KIAA2012: variants seen among roughly 807,000 people sequenced by gnomAD.
KIAA2012 encodes the protein uncharacterized protein KIAA2012.
A neutral mutation model predicts 150.6 loss-of-function variants in KIAA2012; 125 were observed. The observed-to-expected ratio is 0.83, with a 90% CI of 0.72 to 0.96. The LOEUF is 0.96. Ranked by LOEUF, KIAA2012 falls within the 40% of genes least tolerant of loss-of-function variation. KIAA2012 has a pLI of 0.00. For synonymous variants in KIAA2012, 462 were observed against 504.7 expected, an observed-to-expected ratio of 0.92 and a Z score of 1.13; for missense variants, 1,219 against 1,354.9, an observed-to-expected ratio of 0.90 and a Z score of 1.57.
At chr2:202,139,594 C>T (rs1691156772) in intron 13 of KIAA2012, among the ~76,000 whole-genome samples, 1 of 152,186 alleles carries the variant, frequency 6.6e-6, no homozygotes, top group Admixed American at 6.5e-5. Flanking sequence ...CATCTGCGTG[C>T]CTGAGCTGGG....
intron 12 of KIAA2012, among the ~76,000 whole-genome samples, chr2:202,130,001 A>G (rs1040375791): frequency 1.9e-4 from 29 of 152,124 alleles, no homozygotes; most frequent in Admixed American, 1.8e-3. Flanking sequence ...AACATCTGCA[A>G]TAGCTCTTGT....
At chr2:202,145,830 G>A (rs532105597) in intron 13 of KIAA2012, among the ~76,000 whole-genome samples, 38 of 151,640 alleles carry the variant, frequency 2.5e-4, no homozygotes, top group African/African-American at 7.7e-4. Flanking sequence ...GATTACAGGC[G>A]CCCGTCACCA....
intron 15 of KIAA2012, among the ~76,000 whole-genome samples, chr2:202,173,235 C>T: frequency 6.6e-6 from 1 of 152,116 alleles, no homozygotes; most frequent in Admixed American, 6.5e-5. Flanking sequence ...TTTGTCAAAA[C>T]CCAAAAGCAG....
In KIAA2012 at chr2:202,138,606, C is replaced by G. The variant is rs559133206; in HGVS notation, c.1908+98C>G. On this transcript the variant is annotated intron_variant, in intron 13 of 23. Transcript: ENST00000498697. ...TGCCCCTCAGTGAGACTCTTTACCT[C>G]TCTGGGCCTCATTTGCCTAATCAGT... 4.3e-5 allele frequency: 34 copies of G among 781,730 alleles called. No individual in the cohort carries two copies. The African/African-American group carries it at 5.3e-4, about 12-fold the overall frequency. 48.4% of individuals were successfully genotyped at this position (781,730 alleles called of 1,614,324 possible).
intron 15 of KIAA2012, among the ~76,000 whole-genome samples, chr2:202,173,030 C>T (rs1278166591): frequency 2.6e-5 from 4 of 152,192 alleles, no homozygotes; most frequent in African/African-American, 9.7e-5. Context: ...TCAAAGTTCT[C>T]CTTCATATTG....
intron 12 of KIAA2012, among the ~76,000 whole-genome samples, chr2:202,130,222 T>C (rs1252756697): frequency 6.6e-6 from 1 of 152,148 alleles, no homozygotes; most frequent in African/African-American, 2.4e-5. Context: ...TCATTAAGAG[T>C]CCAAAGAACT....
chr2:202,103,491 A>C (rs558470563), intron 8 of KIAA2012, among the ~76,000 whole-genome samples: 8 of 152,218 alleles, frequency 5.3e-5, no homozygotes, highest in African/African-American at 1.9e-4. Flanking sequence ...AAAAAAAAAA[A>C]CCTGGGTAAA....
intron 13 of KIAA2012, 95 bp downstream of exon 13, chr2:202,138,603 C>T: frequency 1.3e-6 from 1 of 777,418 alleles, no homozygotes; most frequent in East Asian, 2.7e-5. Flanking sequence ...AGACTCTTTA[C>T]CTCTCTGGGC....
intron 12 of KIAA2012, 58 bp downstream of exon 12, chr2:202,125,340 A>G: frequency 7.8e-7 from 1 of 1,282,484 alleles, no homozygotes; most frequent in Non-Finnish European, 1.1e-6. Context: ...ACTCATGATC[A>G]TATTATTTCA....
rs71025287 is a variant in KIAA2012 at position 202,199,920 on chromosome 2, ATTTTTTTTTTTTTTT to A, written c.3408-2494_3408-2480del. ...TGCATCTTCCTCCTTGCCCCTCATA[ATTTTTTTTTTTTTTT>A]TTTTTTTTTTTTTTGAGACGGAGTC... On this transcript the variant is annotated intron_variant, in intron 22 of 23. Transcript: ENST00000498697. 3.7e-4 allele frequency among the ~76,000 whole-genome samples: 28 copies of A among 76,292 alleles called. 1 individual carries two copies. The highest frequency in any genetic ancestry group is 6.0e-4 in the Non-Finnish European group (26 of 43,276). The allele number at this position is 76,292 out of a possible 152,430, so 50.1% of individuals were successfully genotyped here. A position where few individuals can be genotyped will look rare whatever the true frequency, so the allele number is the denominator to read the frequency against.
intron 14 of KIAA2012, among the ~76,000 whole-genome samples, chr2:202,155,489 CCCT>C (rs1400159850): frequency 6.6e-6 from 1 of 152,116 alleles, no homozygotes; most frequent in Non-Finnish European, 1.5e-5. Context: ...CCATTCTTTG[CCCT>C]CCTCAGAGCT....
intron 11 of KIAA2012, among the ~76,000 whole-genome samples, chr2:202,122,498 C>CTTT (rs368758133): frequency 8.4e-6 from 1 of 119,202 alleles, no homozygotes; most frequent in Non-Finnish European, 1.7e-5. Context: ...CAAATCCGCT[C>CTTT]TTTTTTTTTT....
At chr2:202,172,476 T>C (rs1037488911) in intron 15 of KIAA2012, among the ~76,000 whole-genome samples, 3 of 152,220 alleles carry the variant, frequency 2.0e-5, no homozygotes, top group Non-Finnish European at 4.4e-5. Context: ...AGAAGTTCTT[T>C]TATATTATGG....
Position 202,110,459 on chromosome 2 carries a change from G to A in KIAA2012, c.1651+670G>A, listed in dbSNP as rs562148707. Among the ~76,000 whole-genome samples the A allele has an allele frequency of 8.5e-5, 13 of 152,340 alleles. No homozygotes were observed. The South Asian group carries it at 2.1e-3, about 24-fold the overall frequency. On this transcript the variant is annotated intron_variant, in intron 10 of 23. Transcript: ENST00000498697. ...TTACCCCTGAAAAATCCCTGGGAAG[G>A]TGCCACGCTGGAGACTGACAGACCA...
chr2:202,133,130 A>ATATT lies in KIAA2012; in HGVS notation c.1832-5301_1832-5300insATTT, dbSNP rs1279080237. Among the ~76,000 whole-genome samples the ATATT allele has an allele frequency of 1.5e-3, 104 of 67,782 alleles. 1 individual carries two copies. The East Asian group carries it at 0.018, about 12-fold the overall frequency. 44.5% of individuals were successfully genotyped at this position (67,782 alleles called of 152,430 possible). Reference sequence around the variant, plus strand: ...AAAAAATATATATATATATATATATATTTTTTTTTTTTCTGGAGAATGGAG... The same window carrying ATATT: ...AAAAAATATATATATATATATATATATATTTTTTTTTTTTTTCTGGAGAATGGAG... On this transcript the variant is annotated intron_variant, in intron 12 of 23. Transcript: ENST00000498697.
In KIAA2012 at chr2:202,154,798, G is replaced by A. The variant is rs1396467324; in HGVS notation, c.2034G>A (p.Thr678=). 21 of 1,546,884 alleles carry A rather than the reference G, an allele frequency of 1.4e-5. No homozygotes were observed. In the Admixed American group the frequency reaches 2.0e-4, roughly 15 times the overall value. Residue 678 remains threonine (T), a synonymous_variant, in exon 14 of 24, where the codon ACG becomes ACA. Transcript: ENST00000498697. ...FYTRKLHIDM[T]PFLKESGNAL... ...CGCGCAAGCTGCACATCGACATGACGCCGTTCCTGAAGGTGATCTCACACT... is the reference window on the plus strand; with the variant it reads ...CGCGCAAGCTGCACATCGACATGACACCGTTCCTGAAGGTGATCTCACACT...
Position 202,099,665 on chromosome 2 carries a change from A to G in KIAA2012, c.881A>G (p.Asn294Ser). 1.3e-6 allele frequency: 2 copies of G among 1,550,488 alleles called. No homozygotes were observed. Among genetic ancestry groups the G allele is most frequent in the South Asian group, 1.2e-5 (1 of 84,052 alleles). ...TTATATGCTTCAAAGGAGAGCTACA[A>G]TGAAAAGACACAGCAAACCTCCAGG... ...LCLYASKESY[N>S]EKTQQTSRKA... Residue 294 changes from asparagine to serine, a missense_variant, in exon 6 of 24, where the codon AAT (asparagine) becomes AGT (serine). Physicochemically the swap from Asn to Ser is conservative, Grantham distance 46. Transcript: ENST00000498697.
At chr2:202,132,700 A>ATATATATGTATATATATATAG (rs1690966001) in intron 12 of KIAA2012, among the ~76,000 whole-genome samples, 3 of 99,266 alleles carry the variant, frequency 3.0e-5, no homozygotes, top group African/African-American at 8.0e-5. Context: ...ATGTATGTAT[A>ATATATATGTATATATATATAG]TATATATGTA....
chr2:202,158,299 A>G (rs1691571272), intron 14 of KIAA2012, among the ~76,000 whole-genome samples: 1 of 151,448 alleles, frequency 6.6e-6, no homozygotes, highest in Non-Finnish European at 1.5e-5. Flanking sequence ...CGGCCCCCTC[A>G]GCCAACATAT....
Sources: allele counts gnomAD v4.1 joint callset (sites outside exome capture counted in the v4.1 genomes callset), GRCh38; gene constraint gnomAD v4.1.1; transcripts MANE v1.5; gene names NCBI Gene and HGNC (gene_info 2026-07-23, HGNC 2026-07-21).